Variants in CPLANE1 observed in about 807,000 individuals in gnomAD.
CPLANE1 encodes the protein ciliogenesis and planar polarity effector 1.
A neutral mutation model predicts 362.5 loss-of-function variants in CPLANE1; 263 were observed. That is an observed-to-expected ratio of 0.73 (90% confidence interval 0.66 to 0.80). The LOEUF (loss-of-function observed/expected upper bound fraction) is 0.80. Among genes scored for constraint, CPLANE1 ranks in the 30% least tolerant of loss-of-function variants. The pLI, the probability that CPLANE1 is intolerant of heterozygous loss-of-function variation, is 0.00. For missense variants in CPLANE1, 3,461 were observed against 3,793.4 expected (o/e 0.91, Z 2.30); for synonymous variants, 1,212 against 1,302.6 (o/e 0.93, Z 1.50).
intron 24 of CPLANE1, among the ~76,000 whole-genome samples, chr5:37,185,311 C>G (rs1439828436): frequency 6.6e-6 from 1 of 151,776 alleles, no homozygotes; most frequent in African/African-American, 2.4e-5. Flanking sequence ...GAGACAGAAC[C>G]TAGACCTCAT....
At chr5:37,183,757 T>C in intron 25 of CPLANE1, 58 bp from the exon 26 acceptor site, 5 of 1,213,080 alleles carry the variant, frequency 4.1e-6, no homozygotes, top group Non-Finnish European at 5.7e-6. Context: ...CTAAAACTGA[T>C]CTTAGAATTG....
intron 19 of CPLANE1, 87 bp downstream of exon 19, chr5:37,201,504 A>C: frequency 9.1e-7 from 1 of 1,100,648 alleles, no homozygotes; most frequent in Non-Finnish European, 1.3e-6. Flanking sequence ...TGAATTTTTA[A>C]CCTGATGATT....
intron 8 of CPLANE1, among the ~76,000 whole-genome samples, chr5:37,236,415 C>CA (rs2150620067): frequency 6.6e-6 from 1 of 152,116 alleles, no homozygotes; most frequent in African/African-American, 2.4e-5. Flanking sequence ...TCATCATATA[C>CA]AAAAATTAAC....
intron 21 of CPLANE1, among the ~76,000 whole-genome samples, chr5:37,194,700 C>G (rs1476981858): frequency 2.0e-5 from 3 of 150,848 alleles, no homozygotes; most frequent in African/African-American, 7.3e-5. Context: ...ACTACGTTGC[C>G]CAGGCTGGAG....
intron 50 of CPLANE1, among the ~76,000 whole-genome samples, chr5:37,115,518 C>G (rs2149992561): frequency 6.6e-6 from 1 of 151,828 alleles, no homozygotes; most frequent in East Asian, 1.9e-4. Context: ...TTTCAAATAA[C>G]TTATCTGAGG....
Position 37,247,799 on chromosome 5 carries a change from T to C in CPLANE1, c.-47-54A>G, listed in dbSNP as rs533774765. ...AATGATGCATAATATTCACTGGGCA[T>C]TTTTTTTTTTTTTTTGAGACAAGAG... On this transcript the variant is annotated intron_variant, in intron 1 of 52. Transcript: ENST00000651892. The C allele has an allele frequency of 0.031, 4,617 of 149,914 alleles. 131 individuals are homozygous for C. The highest frequency in any genetic ancestry group is 0.21 in the African/African-American group (4,270 of 20,014). 9.3% of individuals were successfully genotyped at this position (149,914 alleles called of 1,614,324 possible). A position where few individuals can be genotyped will look rare whatever the true frequency, so the allele number is the denominator to read the frequency against.
chr5:37,209,399 T>C lies in CPLANE1; in HGVS notation c.2921-2974A>G, dbSNP rs562178585. 4.8e-6 allele frequency: 6 copies of C among 1,238,176 alleles called. No homozygotes were observed. The African/African-American group carries it at 7.4e-5, about 15-fold the overall frequency. 76.7% of individuals were successfully genotyped at this position (1,238,176 alleles called of 1,614,324 possible). On this transcript the variant is annotated intron_variant, in intron 16 of 52. Coordinates refer to ENST00000651892, the MANE Select transcript of CPLANE1 (RefSeq NM_001384732.1). The surrounding 1 kb of genome is among the most constrained non-coding windows in gnomAD (Gnocchi z 4.6). ...AGTCCAACATGCTCCCCGTGGCTGA[T>C]GTGTTGAGTCAAAATGAACTGCGCA... is the stretch of plus-strand genomic sequence containing the variant.
In CPLANE1 at chr5:37,107,474, T is replaced by C. The variant is rs895872320; in HGVS notation, c.*128A>G. ...CTCTGGTAATGGCTAATCCAGGTAATAATATGAAAGCAAATGGAAAATTCA... is the reference window on the plus strand; with the variant it reads ...CTCTGGTAATGGCTAATCCAGGTAACAATATGAAAGCAAATGGAAAATTCA... On this transcript the variant is annotated 3_prime_UTR_variant, in exon 53 of 53. Coordinates refer to ENST00000651892, the MANE Select transcript of CPLANE1 (RefSeq NM_001384732.1). 9.1e-6 allele frequency: 12 copies of C among 1,315,768 alleles called. No individual in the cohort carries two copies. The highest frequency in any genetic ancestry group is 1.2e-5 in the Non-Finnish European group (12 of 1,025,676). The allele number at this position is 1,315,768 out of a possible 1,614,324, so 81.5% of individuals were successfully genotyped here. A position where few individuals can be genotyped will look rare whatever the true frequency, so the allele number is the denominator to read the frequency against.
Position 37,139,335 on chromosome 5 carries a change from T to G in CPLANE1, c.8663+5A>C, listed in dbSNP as rs376655170. The G allele has an allele frequency of 1.5e-6, 2 of 1,314,254 alleles. No individual in the cohort carries two copies. Among genetic ancestry groups the G allele is most frequent in the African/African-American group, 1.5e-5 (1 of 65,226 alleles). 81.4% of individuals were successfully genotyped at this position (1,314,254 alleles called of 1,614,324 possible). On this transcript the variant is annotated splice_donor_5th_base_variant and intron_variant, in intron 45 of 52. Transcript: ENST00000651892. ...AAATTGTGAATTAACTCTTAAGATATTTACCTCTCACACAATTCATCACTG... is the reference window on the plus strand; with the variant it reads ...AAATTGTGAATTAACTCTTAAGATAGTTACCTCTCACACAATTCATCACTG...
chr5:37,177,747 G>A (rs998463791), intron 29 of CPLANE1, 47 bp from the exon 30 acceptor site: 2 of 1,395,414 alleles, frequency 1.4e-6, no homozygotes, highest in African/African-American at 2.8e-5. Context: ...AAAACAAATA[G>A]GTATTACTGT....
chr5:37,182,672 G>T, intron 26 of CPLANE1, 88 bp downstream of exon 26: 2 of 828,058 alleles, frequency 2.4e-6, no homozygotes, highest in Non-Finnish European at 1.8e-6. Flanking sequence ...ATTATTTAAT[G>T]ATTCTTTAAA....
chr5:37,120,132 C>T, intron 50 of CPLANE1, 84 bp downstream of exon 50: 2 of 1,343,548 alleles, frequency 1.5e-6, no homozygotes, highest in South Asian at 1.3e-5. Flanking sequence ...AAGACTTATA[C>T]CTTTTACTAA....
intron 19 of CPLANE1, among the ~76,000 whole-genome samples, chr5:37,200,417 A>C (rs1258922620): frequency 6.6e-6 from 1 of 152,212 alleles, no homozygotes; most frequent in East Asian, 1.9e-4. Flanking sequence ...ATTACTAAAG[A>C]CTCAGATGCA....
the CPLANE1 span, among the ~76,000 whole-genome samples, chr5:37,089,313 G>A: frequency 6.6e-6 from 1 of 152,108 alleles, no homozygotes; most frequent in Non-Finnish European, 1.5e-5. Context: ...CTCTAATCAT[G>A]GCCATCCCTG....
the CPLANE1 span, among the ~76,000 whole-genome samples, chr5:37,089,535 T>C: frequency 0.14 from 21,853 of 152,110 alleles, 1,992 homozygotes; most frequent in East Asian, 0.36. Context: ...TGTCGAATTA[T>C]CTAACAGCCC....
intron 15 of CPLANE1, among the ~76,000 whole-genome samples, chr5:37,215,541 T>C (rs971493598): frequency 3.3e-5 from 5 of 152,170 alleles, no homozygotes; most frequent in African/African-American, 1.2e-4. Context: ...TTTGACAGCA[T>C]GAGGGTGTTG....
intron 51 of CPLANE1, among the ~76,000 whole-genome samples, chr5:37,108,959 T>G (rs552490017): frequency 1.5e-4 from 23 of 152,278 alleles, no homozygotes; most frequent in Non-Finnish European, 2.6e-4. Flanking sequence ...ACTGCATATA[T>G]CAGTATTTGT....
intron 32 of CPLANE1, among the ~76,000 whole-genome samples, chr5:37,173,287 C>T (rs1028777451): frequency 2.6e-5 from 4 of 152,168 alleles, no homozygotes; most frequent in African/African-American, 7.2e-5. Context: ...ATAGTGTCAG[C>T]TGGAAAATAA....
the CPLANE1 span, among the ~76,000 whole-genome samples, chr5:37,093,647 A>G: frequency 6.6e-6 from 1 of 152,198 alleles, no homozygotes; most frequent in Non-Finnish European, 1.5e-5. Context: ...TTATTTACTA[A>G]TTCTAGGATG....
Sources: gnomAD v4.1 joint callset for allele counts (sites outside exome capture counted in the v4.1 genomes callset) on GRCh38, gnomAD v4.1.1 for gene constraint, Gnocchi (gnomAD v3.1) non-coding constraint, MANE v1.5 for transcripts, NCBI Gene and HGNC (gene_info 2026-07-23, HGNC 2026-07-21) for gene names.